DEPTOR: variants seen among roughly 807,000 people sequenced by gnomAD.
DEPTOR encodes DEP domain-containing mTOR-interacting protein.
DEPTOR carries 41 observed loss-of-function variants against 41.6 expected under a neutral mutation model. That is an observed-to-expected ratio of 0.98 (90% CI 0.77 to 1.28). DEPTOR has a LOEUF of 1.28. DEPTOR is among the 50% of genes most tolerant of loss of function. The pLI, the probability that DEPTOR is intolerant of heterozygous loss-of-function variation, is 0.00. For missense variants in DEPTOR, 514 were observed against 527.9 expected (o/e 0.97, Z 0.26); for synonymous variants, 195 against 192.3 (o/e 1.01, Z -0.12).
chr8:119,939,900 T>C (rs1295388723), intron 3 of DEPTOR, among the ~76,000 whole-genome samples: 1 of 152,162 alleles, frequency 6.6e-6, no homozygotes, highest in Non-Finnish European at 1.5e-5. Context: ...ACAAATGGTA[T>C]AGAAGTGTCT....
chr8:120,025,938 C>A (rs977811527), intron 8 of DEPTOR, among the ~76,000 whole-genome samples: 5 of 151,640 alleles, frequency 3.3e-5, no homozygotes, highest in Non-Finnish European at 5.9e-5. Flanking sequence ...TCCATTATAG[C>A]TTTTTAGCTC....
chr8:120,002,879 T>C, intron 5 of DEPTOR, 98 bp from the exon 6 acceptor site: 1 of 1,373,864 alleles, frequency 7.3e-7, no homozygotes, highest in Non-Finnish European at 9.5e-7. Context: ...CAGTGTGCTT[T>C]CTCCTGGCCC....
chr8:120,032,761 T>C (rs6469893), intron 8 of DEPTOR, among the ~76,000 whole-genome samples: 97,352 of 152,096 alleles, frequency 0.64, 31,808 homozygotes, highest in Middle Eastern at 0.75. Flanking sequence ...ACAGCCATGG[T>C]GGCTGCTTCA....
chr8:120,020,382 G>A (rs529019621), intron 8 of DEPTOR, among the ~76,000 whole-genome samples: 3 of 151,962 alleles, frequency 2.0e-5, no homozygotes, highest in South Asian at 4.2e-4. Context: ...CACCCAGCTT[G>A]TTTTGTTTTT....
chr8:120,041,536 T>C (rs1220955662), intron 8 of DEPTOR, among the ~76,000 whole-genome samples: 2 of 150,676 alleles, frequency 1.3e-5, no homozygotes, highest in Non-Finnish European at 2.9e-5. Flanking sequence ...TAGGTTCTTA[T>C]AACTTTTTTT....
chr8:119,874,263 C>T (rs1054590955), intron 1 of DEPTOR: 28 of 402,952 alleles, frequency 6.9e-5, no homozygotes, highest in Admixed American at 4.0e-4. Context: ...TGCCACCCAC[C>T]GCGCTGTCCG....
At chr8:120,000,624 G>A (rs1300044020) in intron 4 of DEPTOR, among the ~76,000 whole-genome samples, 1 of 151,750 alleles carries the variant, frequency 6.6e-6, no homozygotes, top group Non-Finnish European at 1.5e-5. Flanking sequence ...CACCACACCT[G>A]GCGAATTATT....
At chr8:119,974,281 T>C (rs544212497) in intron 4 of DEPTOR, among the ~76,000 whole-genome samples, 21 of 146,852 alleles carry the variant, frequency 1.4e-4, no homozygotes, top group African/African-American at 4.8e-4. Flanking sequence ...AAGGTACTGA[T>C]GATTGAGGCT....
At chr8:119,930,378 A>C (rs1828026322) in intron 3 of DEPTOR, among the ~76,000 whole-genome samples, 1 of 152,110 alleles carries the variant, frequency 6.6e-6, no homozygotes, top group African/African-American at 2.4e-5. Flanking sequence ...CTGGGACTAC[A>C]GGCATGAGCC....
intron 1 of DEPTOR, among the ~76,000 whole-genome samples, chr8:119,905,279 A>T (rs1379969100): frequency 6.6e-6 from 1 of 152,158 alleles, no homozygotes; most frequent in Non-Finnish European, 1.5e-5. Context: ...ACAACCCAGC[A>T]TGAGAATTTC....
chr8:119,976,776 A>T (rs1176971269), intron 4 of DEPTOR, among the ~76,000 whole-genome samples: 2 of 151,938 alleles, frequency 1.3e-5, no homozygotes, highest in Non-Finnish European at 2.9e-5. Context: ...TCACAGGCTC[A>T]CCTCTTGACC....
chr8:120,041,967 A>G (rs1339668101), intron 8 of DEPTOR, among the ~76,000 whole-genome samples: 2 of 152,180 alleles, frequency 1.3e-5, no homozygotes, highest in Admixed American at 6.5e-5. Context: ...TTGAAGGTGA[A>G]GGTACTACCT....
At chr8:120,002,196 G>A (rs1404522351) in intron 5 of DEPTOR, among the ~76,000 whole-genome samples, 5 of 152,168 alleles carry the variant, frequency 3.3e-5, no homozygotes, top group Non-Finnish European at 7.3e-5. Context: ...CTAGAGTGCA[G>A]TGGTGCAATC....
chr8:119,998,976 A>T (rs865879528), intron 4 of DEPTOR, among the ~76,000 whole-genome samples: 26 of 151,812 alleles, frequency 1.7e-4, no homozygotes, highest in Middle Eastern at 3.4e-3. Context: ...AAGAAGAAAT[A>T]AAATAGGCCG....
At chr8:119,942,275 T>C (rs1349692475) in intron 3 of DEPTOR, among the ~76,000 whole-genome samples, 3 of 152,218 alleles carry the variant, frequency 2.0e-5, no homozygotes, top group Non-Finnish European at 4.4e-5. Flanking sequence ...TGATCTTGGC[T>C]CACTGCAATC....
At chr8:119,966,395 G>A (rs550147326) in intron 4 of DEPTOR, among the ~76,000 whole-genome samples, 3 of 152,320 alleles carry the variant, frequency 2.0e-5, no homozygotes, top group African/African-American at 7.2e-5. Context: ...GTATACAAAA[G>A]GATGTGCGTA....
At chr8:119,929,303 T>TA (rs1412807617) in intron 2 of DEPTOR, among the ~76,000 whole-genome samples, 1 of 152,168 alleles carries the variant, frequency 6.6e-6, no homozygotes, top group Non-Finnish European at 1.5e-5. Flanking sequence ...GGTCTCCACT[T>TA]ACATGAAAAC....
intron 4 of DEPTOR, among the ~76,000 whole-genome samples, chr8:119,968,337 T>A (rs1009754237): frequency 1.4e-4 from 21 of 144,842 alleles, no homozygotes; most frequent in South Asian, 8.6e-4. Context: ...TATTATTATT[T>A]TTTTTTTGGG....
chr8:119,895,548 A>G (rs1827509758), intron 1 of DEPTOR, among the ~76,000 whole-genome samples: 1 of 152,160 alleles, frequency 6.6e-6, no homozygotes, highest in Admixed American at 6.5e-5. Flanking sequence ...AAGCATGAGA[A>G]TGGCTGAATG....
Sources: gnomAD v4.1 joint callset for allele counts (sites outside exome capture counted in the v4.1 genomes callset) on GRCh38, gnomAD v4.1.1 for gene constraint, MANE v1.5 for transcripts, NCBI Gene and HGNC (gene_info 2026-07-23, HGNC 2026-07-21) for gene names.